CIBAR1: variants seen among roughly 807,000 people sequenced by gnomAD.
CIBAR1 encodes CBY1 interacting BAR domain containing 1, also known as CBY1-interacting BAR domain-containing protein 1.
Under a neutral mutation model 44.0 loss-of-function variants are expected in CIBAR1, and 25 were observed. The ratio of observed to expected loss-of-function variants is 0.57; its 90% confidence interval spans 0.41 to 0.79. The LOEUF (loss-of-function observed/expected upper bound fraction) is 0.79. Ranked by LOEUF, CIBAR1 falls within the 30% of genes least tolerant of loss-of-function variation. CIBAR1 has a pLI of 0.00. For missense variants in CIBAR1, 278 were observed against 344.8 expected, an observed-to-expected ratio of 0.81 and a Z score of 1.53; for synonymous variants, 115 against 119.0, an observed-to-expected ratio of 0.97 and a Z score of 0.22.
intron 6 of CIBAR1, 73 bp downstream of exon 6, chr8:93,709,948 A>G (rs1810755962): frequency 1.7e-6 from 2 of 1,206,558 alleles, no homozygotes; most frequent in African/African-American, 1.5e-5. Context: ...AATTTAAATT[A>G]CTCTAAATTT....
At chr8:93,727,163 G>A in intron 8 of CIBAR1, 6 of 1,288,766 alleles carry the variant, frequency 4.7e-6, no homozygotes, top group Non-Finnish European at 5.1e-6. Flanking sequence ...GCCAAACCCT[G>A]ATCTAGAGAG....
chr8:93,702,387 A>G lies in CIBAR1; in HGVS notation c.261+929A>G, dbSNP rs1037184294. On this transcript the variant is annotated intron_variant, in intron 2 of 8. Coordinates refer to ENST00000518322, the MANE Select transcript of CIBAR1 (RefSeq NM_145269.5). ...CAAAGATAATTTATATTCACAGGTA[A>G]TCCTAAAATCTTATTTTAGCCAATA... 1.1e-4 allele frequency: 42 copies of G among 388,446 alleles called. 1 individual carries two copies. Among genetic ancestry groups the G allele is most frequent in the Admixed American group, 3.2e-5 (1 of 31,682 alleles). 24.1% of individuals were successfully genotyped at this position (388,446 alleles called of 1,614,324 possible). A position where few individuals can be genotyped will look rare whatever the true frequency, so the allele number is the denominator to read the frequency against.
At chr8:93,712,938 G>A (rs2130328443) in intron 6 of CIBAR1, among the ~76,000 whole-genome samples, 1 of 149,692 alleles carries the variant, frequency 6.7e-6, no homozygotes, top group East Asian at 2.0e-4. Context: ...GTGAGTCACT[G>A]TGCCTGGCCT....
intron 6 of CIBAR1, among the ~76,000 whole-genome samples, chr8:93,717,070 G>C (rs1811062106): frequency 6.6e-6 from 1 of 152,202 alleles, no homozygotes; most frequent in African/African-American, 2.4e-5. Flanking sequence ...GCTGGTCTGG[G>C]ACACCTGGAC....
intron 5 of CIBAR1, among the ~76,000 whole-genome samples, chr8:93,708,227 A>G (rs940562566): frequency 2.0e-5 from 3 of 152,204 alleles, no homozygotes; most frequent in Non-Finnish European, 4.4e-5. Context: ...TATTAGCACA[A>G]GAAACAAAAC....
chr8:93,725,598 C>T (rs1057166928), intron 7 of CIBAR1, among the ~76,000 whole-genome samples: 22 of 151,450 alleles, frequency 1.5e-4, no homozygotes, highest in African/African-American at 5.3e-4. Context: ...GTAGTTATAC[C>T]TTGAGATAAC....
At chr8:93,716,303 C>G (rs1457542692) in intron 6 of CIBAR1, among the ~76,000 whole-genome samples, 1 of 151,736 alleles carries the variant, frequency 6.6e-6, no homozygotes, top group African/African-American at 2.4e-5. Flanking sequence ...CTCGGCCTCC[C>G]AAAGTGCCAG....
At position 93,728,283 on chromosome 8, in the gene CIBAR1, A is replaced by G. The variant is rs1811630527; in HGVS notation, c.856A>G (p.Asn286Asp). The G allele has an allele frequency of 6.3e-7, 1 of 1,582,966 alleles. No homozygotes were observed. Among genetic ancestry groups the G allele is most frequent in the Non-Finnish European group, 8.6e-7 (1 of 1,169,218 alleles). Residue 286 changes from asparagine (N) to aspartate (D), a missense_variant, in exon 9 of 9, where the codon AAT (asparagine) becomes GAT (aspartate). Asn to Asp is a conservative substitution (Grantham distance 23). Around this residue, in one of 3 missense-constraint regions of CIBAR1, gnomAD observed 93 missense variants for 108.9 expected, o/e 0.85. Transcript: ENST00000518322. ...DDELDVTEEE[N>D]FLK ...CGAGTTAGATGTTACAGAAGAAGAAAATTTTCTTAAGTAAACTACACATTT... is the reference window on the plus strand; with the variant it reads ...CGAGTTAGATGTTACAGAAGAAGAAGATTTTCTTAAGTAAACTACACATTT...
At chr8:93,709,723 T>C in intron 5 of CIBAR1, 48 bp from the exon 6 acceptor site, 2 of 1,508,404 alleles carry the variant, frequency 1.3e-6, no homozygotes, top group Non-Finnish European at 1.8e-6. Flanking sequence ...ATTGAATGAA[T>C]TCTCATTTGA....
intron 7 of CIBAR1, 128 bp downstream of exon 7, chr8:93,718,916 T>C (rs1586282291): frequency 4.1e-6 from 2 of 488,094 alleles, no homozygotes; most frequent in Non-Finnish European, 7.0e-6. Flanking sequence ...CAAGTTGGAG[T>C]GCAGTAGTGT....
rs779906556 is a variant in CIBAR1, at chr8:93,709,894, G to A, written c.543+19G>A. 2.6e-6 allele frequency: 4 copies of A among 1,552,860 alleles called. No homozygotes were observed. The Admixed American group carries it at 7.0e-5, about 27-fold the overall frequency. On this transcript the variant is annotated intron_variant, in intron 6 of 8. Transcript: ENST00000518322. ...TATAAAGGTAATAAAGTAACTGTTA[G>A]GGTTCAAAACATGTTTTTAACCTTT...
chr8:93,727,764 A>G (rs578239401), intron 8 of CIBAR1, among the ~76,000 whole-genome samples: 1 of 152,318 alleles, frequency 6.6e-6, no homozygotes, highest in Non-Finnish European at 1.5e-5. Context: ...GCAACTTAAA[A>G]CTGGTGAATT....
chr8:93,717,000 C>CA (rs1392313083), intron 6 of CIBAR1, among the ~76,000 whole-genome samples: 9 of 152,134 alleles, frequency 5.9e-5, no homozygotes, highest in African/African-American at 2.2e-4. Context: ...TCATTACATC[C>CA]AATTTAGCTA....
chr8:93,713,913 C>G (rs1215483338), intron 6 of CIBAR1, among the ~76,000 whole-genome samples: 2 of 152,062 alleles, frequency 1.3e-5, no homozygotes, highest in South Asian at 4.1e-4. Flanking sequence ...AGTCTTTGTA[C>G]TTTCTTCTTT....
chr8:93,720,466 A>T (rs1811220568), intron 7 of CIBAR1, among the ~76,000 whole-genome samples: 2 of 152,330 alleles, frequency 1.3e-5, no homozygotes, highest in African/African-American at 4.8e-5. Context: ...TCAGTTATAT[A>T]TACATATTTA....
intron 6 of CIBAR1, among the ~76,000 whole-genome samples, chr8:93,718,079 C>G (rs1811101895): frequency 6.6e-6 from 1 of 152,150 alleles, no homozygotes; most frequent in Non-Finnish European, 1.5e-5. Context: ...GCCTTAGAAT[C>G]AGATCTGTGT....
chr8:93,703,671 A>G lies in CIBAR1; in HGVS notation c.313A>G (p.Ile105Val). The G allele has an allele frequency of 6.4e-7, 1 of 1,553,718 alleles. No individual in the cohort carries two copies. Among genetic ancestry groups the G allele is most frequent in the Non-Finnish European group, 8.7e-7 (1 of 1,148,196 alleles). Residue 105 changes from isoleucine (I) to valine (V), a missense_variant, in exon 3 of 9, where the codon ATT (isoleucine) becomes GTT (valine). Ile to Val is a conservative substitution (Grantham distance 29). Transcript: ENST00000518322. ...TGAACCCTTGAAAACTTATGGGACC[A>G]TTGTGAAAATGAAACGGGTAAGTAA... Reference protein sequence around the residue: ...VVEPLKTYGTIVKMKRDDLKA... With the variant: ...VVEPLKTYGTVVKMKRDDLKA...
At chr8:93,725,202 C>CAA (rs2130382315) in intron 7 of CIBAR1, among the ~76,000 whole-genome samples, 1 of 152,242 alleles carries the variant, frequency 6.6e-6, no homozygotes, top group South Asian at 2.1e-4. Context: ...AGGCTGATCT[C>CAA]AAACTCCTAG....
intron 4 of CIBAR1, 60 bp downstream of exon 4, chr8:93,705,070 G>A (rs748817812): frequency 9.2e-7 from 1 of 1,083,796 alleles, no homozygotes; most frequent in Non-Finnish European, 1.4e-6. Flanking sequence ...AAAAGTAAAT[G>A]TATATAGAAA....
Sources: allele counts gnomAD v4.1 joint callset (sites outside exome capture counted in the v4.1 genomes callset), GRCh38; gene constraint gnomAD v4.1.1; regional missense constraint gnomAD v4.1.1; transcripts MANE v1.5; gene names NCBI Gene and HGNC (gene_info 2026-07-23, HGNC 2026-07-21).